Variants in GTF3A observed in about 807,000 individuals in gnomAD.
The protein encoded by GTF3A is transcription factor IIIA.
GTF3A carries 40 observed loss-of-function variants against 37.6 expected under a neutral mutation model. The ratio of observed to expected loss-of-function variants is 1.06; its 90% CI spans 0.83 to 1.38. GTF3A has a LOEUF of 1.38. Among genes scored for constraint, GTF3A ranks in the 40% most tolerant of loss-of-function variants. The probability of loss-of-function intolerance (pLI) is 0.00; values close to 1 mark genes in which losing one functional copy is unlikely to be tolerated. For missense variants in GTF3A, 500 were observed against 462.6 expected, an observed-to-expected ratio of 1.08 and a Z score of -0.74; for synonymous variants, 191 against 166.7, an observed-to-expected ratio of 1.15 and a Z score of -1.12.
chr13:27,430,896 T>C (rs1223072488), intron 4 of GTF3A, among the ~76,000 whole-genome samples: 1 of 152,238 alleles, frequency 6.6e-6, no homozygotes, highest in Non-Finnish European at 1.5e-5. Context: ...GCTGATTATT[T>C]CTTTTGCTGT....
chr13:27,430,510 A>G (rs368415433), intron 3 of GTF3A, 23 bp from the exon 4 acceptor site: 9 of 1,435,506 alleles, frequency 6.3e-6, no homozygotes, highest in South Asian at 2.3e-5. Flanking sequence ...CCATAAGACT[A>G]ACGAGCCTTT....
chr13:27,428,347 T>C (rs757724601), intron 2 of GTF3A, among the ~76,000 whole-genome samples: 1 of 152,176 alleles, frequency 6.6e-6, no homozygotes, highest in Non-Finnish European at 1.5e-5. Flanking sequence ...CACTGTCTTA[T>C]CTCGGTCCCT....
rs768344501 is a variant in GTF3A, at chr13:27,429,872, G to A, written c.305G>A (p.Cys102Tyr). The A allele has an allele frequency of 6.6e-7, 1 of 1,510,726 alleles. No individual in the cohort carries two copies. The highest frequency in any genetic ancestry group is 8.9e-7 in the Non-Finnish European group (1 of 1,128,572). The allele number at this position is 1,510,726 out of a possible 1,614,324, so 93.6% of individuals were successfully genotyped here. Residue 102 changes from cysteine (C) to tyrosine (Y), a missense_variant and splice_region_variant, in exon 3 of 9, where the codon TGT becomes TAT. Transcript: ENST00000381140. ...TTGGTTTATATAACTTCTTACAGTTGTGCAGCCAATGGCTGTGATCAAAAA... is the reference window on the plus strand; with the variant it reads ...TTGGTTTATATAACTTCTTACAGTTATGCAGCCAATGGCTGTGATCAAAAA...
intron 4 of GTF3A, among the ~76,000 whole-genome samples, chr13:27,431,967 G>T (rs1953661723): frequency 6.6e-6 from 1 of 152,220 alleles, no homozygotes; most frequent in Non-Finnish European, 1.5e-5. Flanking sequence ...TAAAGGCTGA[G>T]AAATTACTTA....
At position 27,429,740 on chromosome 13, in the gene GTF3A, T is replaced by G. The variant is rs76601741; in HGVS notation, c.303-130T>G. On this transcript the variant is annotated intron_variant, in intron 2 of 8. Transcript: ENST00000381140. The stretch of plus-strand genomic sequence containing the variant: ...GTGGTATGGCTTAACACTCTGGAAT[T>G]CGCTAAGACTATTTTATAGTATTAC... The G allele has an allele frequency of 6.0e-3, 3,240 of 540,504 alleles. 83 individuals are homozygous for G. The highest frequency in any genetic ancestry group is 0.056 in the African/African-American group (2,863 of 51,528). The allele number at this position is 540,504 out of a possible 1,614,324, so 33.5% of individuals were successfully genotyped here.
In GTF3A at chr13:27,435,691, T is replaced by C. The variant is rs747971151; in HGVS notation, c.*94T>C. On this transcript the variant is annotated 3_prime_UTR_variant, in exon 9 of 9. Coordinates refer to ENST00000381140, the MANE Select transcript of GTF3A (RefSeq NM_002097.3). ...TTATTAAAATTACTGATGCAGAACA[T>C]TTGATTCCTTATCATTTCCATGGTC... 11 of 1,614,010 alleles carry C rather than the reference T, an allele frequency of 6.8e-6. No homozygotes were observed. Among genetic ancestry groups the C allele is most frequent in the Non-Finnish European group, 9.3e-6 (11 of 1,179,916 alleles).
intron 8 of GTF3A, 25 bp downstream of exon 8, chr13:27,435,217 C>T (rs779506541): frequency 4.5e-5 from 71 of 1,570,792 alleles, no homozygotes; most frequent in Non-Finnish European, 6.0e-5. Context: ...CTTAGGCAAG[C>T]TTAGTTTTCA....
chr13:27,431,421 C>T (rs1486186848), intron 4 of GTF3A, among the ~76,000 whole-genome samples: 1 of 152,064 alleles, frequency 6.6e-6, no homozygotes. Flanking sequence ...ATAAAGAAAA[C>T]GTGATGTATA....
intron 8 of GTF3A, 73 bp from the exon 9 acceptor site, chr13:27,435,358 CAT>C (rs1280682205): frequency 1.4e-6 from 2 of 1,438,394 alleles, no homozygotes; most frequent in Admixed American, 3.8e-5. Context: ...TCTGCTGGTA[CAT>C]ATGACTATCG....
At chr13:27,435,297 G>A in intron 8 of GTF3A, 105 bp downstream of exon 8, 1 of 1,246,688 alleles carries the variant, frequency 8.0e-7, no homozygotes, top group East Asian at 2.3e-5. Context: ...GTTTGAGTCT[G>A]CACTACTGTT....
rs779068732 is a variant in GTF3A, at chr13:27,435,161, A to C, written c.902A>C (p.His301Pro). 1 of 1,606,176 alleles carries C rather than the reference A, an allele frequency of 6.2e-7. No homozygotes were observed. The highest frequency in any genetic ancestry group is 1.3e-5 in the African/African-American group (1 of 74,360). The change falls in exon 8 of 9, where the codon CAT (histidine) becomes CCT (proline). Residue 301 changes from histidine to proline, a missense_variant. Physicochemically the swap from His to Pro is moderately conservative, Grantham distance 77 (BLOSUM62 -2). Coordinates refer to ENST00000381140, the MANE Select transcript of GTF3A (RefSeq NM_002097.3). ...AGTCTCACTAGGCATGCTGTTGTAC[A>C]TGATCCTGACAAGAAGAAAATGAAG...
chr13:27,429,905 C>G lies in GTF3A; in HGVS notation c.338C>G (p.Thr113Arg). Residue 113 changes from threonine (T) to arginine (R), a missense_variant, in exon 3 of 9, where the codon ACA (threonine) becomes AGA (arginine). Thr to Arg is a moderately conservative substitution (Grantham distance 71, BLOSUM62 -1). Transcript: ENST00000381140. ...AATGGCTGTGATCAAAAATTCAACA[C>G]AAAATCAAACTTGAAGAAACATTTT... The G allele has an allele frequency of 6.5e-7, 1 of 1,535,964 alleles. No individual in the cohort carries two copies.
chr13:27,425,389 A>G (rs908226065), intron 1 of GTF3A: 6 of 158,250 alleles, frequency 3.8e-5, no homozygotes, highest in African/African-American at 1.2e-4. Flanking sequence ...TTCTGCTGCC[A>G]TGGACCTTTG....
At position 27,435,613 on chromosome 13, in the gene GTF3A, G is replaced by C; in HGVS notation, c.*16G>C. 3.7e-6 allele frequency: 6 copies of C among 1,612,372 alleles called. No individual in the cohort carries two copies. The highest frequency in any genetic ancestry group is 5.1e-6 in the Non-Finnish European group (6 of 1,178,586). On this transcript the variant is annotated 3_prime_UTR_variant, in exon 9 of 9. Coordinates refer to ENST00000381140, the MANE Select transcript of GTF3A (RefSeq NM_002097.3). ...CCTTGGCTAAGAACTGCACTGCTTT[G>C]TTTAAAGGACTGCAGACCAAGGAGC...
intron 1 of GTF3A, chr13:27,425,216 G>A: frequency 2.4e-6 from 1 of 415,164 alleles, no homozygotes; most frequent in Non-Finnish European, 4.3e-6. Context: ...TAAGTGTGAG[G>A]TTTGAGGGGG....
intron 3 of GTF3A, 89 bp from the exon 4 acceptor site, chr13:27,430,444 C>A: frequency 1.3e-6 from 1 of 768,150 alleles, no homozygotes; most frequent in Non-Finnish European, 2.1e-6. Flanking sequence ...ATACAGTCTC[C>A]AAAATTGTTT....
chr13:27,430,633 A>C lies in GTF3A; in HGVS notation c.488+12A>C, dbSNP rs530793526. On this transcript the variant is annotated intron_variant, in intron 4 of 8. Transcript: ENST00000381140. ...GAACCTCTATTCAAGTAGGTACTTC[A>C]TGTGGCTGAAAATGCCTGGATTCTA... 1.1e-4 allele frequency: 163 copies of C among 1,526,160 alleles called. 4 individuals carry two copies. In the South Asian group the frequency reaches 1.7e-3, roughly 16 times the overall value. 94.5% of individuals were successfully genotyped at this position (1,526,160 alleles called of 1,614,324 possible). A position where few individuals can be genotyped will look rare whatever the true frequency, so the allele number is the denominator to read the frequency against.
intron 1 of GTF3A, 107 bp downstream of exon 1, chr13:27,425,045 A>T: frequency 1.4e-6 from 1 of 734,042 alleles, no homozygotes. Flanking sequence ...CAGCGCGTTC[A>T]GCTTTGACAT....
In GTF3A at chr13:27,435,036, T is replaced by C. The variant is rs755094757; in HGVS notation, c.873+2T>C. ...TGTGGCAAAACATTTGCAATGAAAG[T>C]AAGCACTCACCCTCATACTCATGGT... is the stretch of plus-strand genomic sequence containing the variant. On this transcript the variant is annotated splice_donor_variant, in intron 7 of 8. Transcript: ENST00000381140. LOFTEE classifies it high-confidence loss of function. 3.2e-6 allele frequency: 5 copies of C among 1,575,400 alleles called. No individual in the cohort carries two copies. In the African/African-American group the frequency reaches 4.0e-5, roughly 13 times the overall value.
Sources: gnomAD v4.1 joint callset for allele counts (sites outside exome capture counted in the v4.1 genomes callset) on GRCh38, gnomAD v4.1.1 for gene constraint, MANE v1.5 for transcripts, NCBI Gene and HGNC (gene_info 2026-07-23, HGNC 2026-07-21) for gene names.